The following LUC7L3 variants were observed in gnomAD, a reference collection of about 807,000 sequenced individuals.
LUC7L3 encodes LUC7 like 3 pre-mRNA splicing factor, also known as luc7-like protein 3.
LUC7L3 carries 6 observed loss-of-function variants against 66.8 expected under a neutral mutation model. The ratio of observed to expected loss-of-function variants is 0.09; its 90% confidence interval spans 0.05 to 0.18. The LOEUF is 0.18. Ranked by LOEUF, LUC7L3 falls within the 10% of genes least tolerant of loss-of-function variation. LUC7L3 has a pLI of 1.00. For synonymous variants in LUC7L3, 160 were observed against 174.7 expected, an observed-to-expected ratio of 0.92 and a Z score of 0.66; for missense variants, 341 against 531.1, an observed-to-expected ratio of 0.64 and a Z score of 3.52.
In LUC7L3 at chr17:50,750,990, TTTC is replaced by T; in HGVS notation, c.*332_*334del. On this transcript the variant is annotated 3_prime_UTR_variant, in exon 10 of 10. Transcript: ENST00000505658. ...CCTTTTTTTAGGGATTTTGATGTCA[TTTC>T]TTTTTTTTTTTTAATAAAAAGGTTG... 18 of 1,457,362 alleles carry T rather than the reference TTTC, an allele frequency of 1.2e-5. No homozygotes were observed. The highest frequency in any genetic ancestry group is 2.5e-5 in the East Asian group (1 of 39,986). 90.3% of individuals were successfully genotyped at this position (1,457,362 alleles called of 1,614,324 possible).
At chr17:50,731,474 G>A (rs1443964009) in intron 1 of LUC7L3, among the ~76,000 whole-genome samples, 1 of 151,966 alleles carries the variant, frequency 6.6e-6, no homozygotes, top group Admixed American at 6.6e-5. Context: ...GGCCTCTCTG[G>A]GTTTGTTCTT....
rs1555612174 is a variant in LUC7L3 at position 50,752,323 on chromosome 17, T to TA, written c.*1662_*1663insA. ...AAAAGTATAAAGCTCAGTTAGTTTTTTTATTATTATTATTATTAAAAGTTA... is the reference window on the plus strand; with the variant it reads ...AAAAGTATAAAGCTCAGTTAGTTTTTATTATTATTATTATTATTAAAAGTTA... On this transcript the variant is annotated 3_prime_UTR_variant, in exon 10 of 10. Transcript: ENST00000505658. 4.9e-6 allele frequency: 4 copies of TA among 810,530 alleles called. No homozygotes were observed. The Admixed American group carries it at 1.1e-4, about 22-fold the overall frequency. The allele number at this position is 810,530 out of a possible 1,614,324, so 50.2% of individuals were successfully genotyped here.
chr17:50,749,350 T>C, intron 9 of LUC7L3: 1 of 1,288,354 alleles, frequency 7.8e-7, no homozygotes, highest in South Asian at 1.2e-5. Flanking sequence ...ACAAGGTCAG[T>C]TAGAGCCCAC....
In LUC7L3 at chr17:50,751,742, C is replaced by A. The variant is rs527441600; in HGVS notation, c.*1081C>A. ...AGGAATAGTCACTCACTGGCTGATA[C>A]ATTTAAAGCAGCAGTGTGAATAGCA... is the stretch of plus-strand genomic sequence containing the variant. On this transcript the variant is annotated 3_prime_UTR_variant, in exon 10 of 10. Coordinates refer to ENST00000505658, the MANE Select transcript of LUC7L3 (RefSeq NM_016424.5). The A allele has an allele frequency of 1.1e-5, 11 of 1,033,246 alleles. No individual in the cohort carries two copies. The highest frequency in any genetic ancestry group is 1.3e-5 in the Non-Finnish European group (11 of 858,002). The allele number at this position is 1,033,246 out of a possible 1,614,324, so 64.0% of individuals were successfully genotyped here.
intron 1 of LUC7L3, among the ~76,000 whole-genome samples, chr17:50,734,530 C>T (rs138140164): frequency 2.3e-3 from 356 of 152,266 alleles, no homozygotes; most frequent in African/African-American, 7.6e-3. Flanking sequence ...GCCTGGAGTA[C>T]AGTGGCTGTT....
chr17:50,747,237 T>C (rs956113429), intron 9 of LUC7L3, among the ~76,000 whole-genome samples: 4 of 90,174 alleles, frequency 4.4e-5, no homozygotes, highest in African/African-American at 3.4e-4. Flanking sequence ...TTTTTCTTTT[T>C]TTTTTTTTTT....
At chr17:50,726,165 GT>G (rs1218839524) in intron 1 of LUC7L3, among the ~76,000 whole-genome samples, 3 of 151,820 alleles carry the variant, frequency 2.0e-5, no homozygotes, top group Non-Finnish European at 4.4e-5. Context: ...TAAACTTGTT[GT>G]TTTGCTTTTT....
In LUC7L3 at chr17:50,755,534, AT is replaced by A. The variant is rs1039467852; in HGVS notation, c.*4876del. 6.6e-5 allele frequency: 10 copies of A among 152,202 alleles called. No homozygotes were observed. Among genetic ancestry groups the A allele is most frequent in the African/African-American group, 2.2e-4 (9 of 41,440 alleles). The allele number at this position is 152,202 out of a possible 1,614,324, so 9.4% of individuals were successfully genotyped here. ...TTTCATTGTTGTATCAGAATTTTGA[AT>A]TTACTATTTTAAAAATTCAAGAGTT... On this transcript the variant is annotated 3_prime_UTR_variant, in exon 10 of 10. Transcript: ENST00000505658.
chr17:50,737,438 A>G, intron 2 of LUC7L3: 3 of 422,706 alleles, frequency 7.1e-6, no homozygotes, highest in South Asian at 5.2e-5. Context: ...CGAGTGTTTG[A>G]TCAGCAGAAC....
chr17:50,734,678 A>G (rs1024124604), intron 1 of LUC7L3, among the ~76,000 whole-genome samples: 2 of 152,234 alleles, frequency 1.3e-5, no homozygotes, highest in African/African-American at 2.4e-5. Context: ...AAAATCAAGT[A>G]TAATAACTTG....
In LUC7L3 at chr17:50,719,847, C is replaced by T. The variant is rs758793799; in HGVS notation, c.99+16C>T. 8.3e-6 allele frequency: 12 copies of T among 1,443,438 alleles called. No homozygotes were observed. In the East Asian group the frequency reaches 1.3e-4, roughly 15 times the overall value. 89.4% of individuals were successfully genotyped at this position (1,443,438 alleles called of 1,614,324 possible). A position where few individuals can be genotyped will look rare whatever the true frequency, so the allele number is the denominator to read the frequency against. On this transcript the variant is annotated intron_variant, in intron 1 of 9. Transcript: ENST00000505658. Reference sequence around the variant, plus strand: ...CCACGAGAGCGTAAGTCCCGCGGGCCTTGGCCTGAGCCCGGGCTCCGTGGG... The same window carrying T: ...CCACGAGAGCGTAAGTCCCGCGGGCTTTGGCCTGAGCCCGGGCTCCGTGGG...
intron 9 of LUC7L3, 150 bp downstream of exon 9, chr17:50,746,852 C>T: frequency 3.4e-6 from 2 of 589,292 alleles, no homozygotes; most frequent in Non-Finnish European, 5.7e-6. Flanking sequence ...GGCATTCTTT[C>T]CCCCTCTCCT....
chr17:50,724,328 T>C, intron 1 of LUC7L3: 2 of 155,432 alleles, frequency 1.3e-5, no homozygotes, highest in Non-Finnish European at 2.9e-5. Context: ...GAGACCAGCC[T>C]GGCCAACATG....
In LUC7L3 at chr17:50,750,932, T is replaced by C. The variant is rs1970947349; in HGVS notation, c.*271T>C. 1 of 1,533,364 alleles carries C rather than the reference T, an allele frequency of 6.5e-7. No individual in the cohort carries two copies. The allele number at this position is 1,533,364 out of a possible 1,614,324, so 95.0% of individuals were successfully genotyped here. A position where few individuals can be genotyped will look rare whatever the true frequency, so the allele number is the denominator to read the frequency against. ...CCTCTTTGGAAATTATCGCCCACAT[T>C]TGTAATATAGTCGCCATTGAAAAGT... On this transcript the variant is annotated 3_prime_UTR_variant, in exon 10 of 10. Transcript: ENST00000505658.
intron 1 of LUC7L3, among the ~76,000 whole-genome samples, chr17:50,729,735 T>G (rs1434659313): frequency 6.6e-6 from 1 of 151,930 alleles, no homozygotes; most frequent in Non-Finnish European, 1.5e-5. Context: ...GGAATAATTT[T>G]TTTTCCCCTC....
intron 1 of LUC7L3, among the ~76,000 whole-genome samples, chr17:50,725,354 G>C: frequency 6.6e-6 from 1 of 152,182 alleles, no homozygotes; most frequent in South Asian, 2.1e-4. Context: ...AGGTTGCAGT[G>C]AGCCGAGATC....
chr17:50,737,498 T>C (rs1970052381), intron 2 of LUC7L3: 1 of 304,376 alleles, frequency 3.3e-6, no homozygotes, highest in Non-Finnish European at 6.4e-6. Context: ...GAAGGCAGGG[T>C]TGAGTCATGG....
intron 2 of LUC7L3, among the ~76,000 whole-genome samples, chr17:50,738,592 C>T (rs72839271): frequency 2.6e-5 from 4 of 152,168 alleles, no homozygotes; most frequent in African/African-American, 9.6e-5. Context: ...TGAAAAACAG[C>T]TCTTAGAAAT....
At chr17:50,741,560 TA>T in intron 4 of LUC7L3, 96 bp from the exon 5 acceptor site, 1 of 699,074 alleles carries the variant, frequency 1.4e-6, no homozygotes, top group Non-Finnish European at 2.4e-6. Flanking sequence ...TTAAGCATTT[TA>T]ATTATTAAAT....
Sources: allele counts gnomAD v4.1 joint callset (sites outside exome capture counted in the v4.1 genomes callset), GRCh38; gene constraint gnomAD v4.1.1; transcripts MANE v1.5; gene names NCBI Gene and HGNC (gene_info 2026-07-23, HGNC 2026-07-21).